FUT8: variants seen among roughly 807,000 people sequenced by gnomAD.
FUT8 encodes the protein fucosyltransferase 8.
FUT8 carries 29 observed loss-of-function variants against 71.3 expected under a neutral mutation model. The observed-to-expected ratio is 0.41, with a 90% CI of 0.30 to 0.55. The LOEUF (loss-of-function observed/expected upper bound fraction) is 0.55, where lower values mean the gene tolerates loss of function less well. Ranked by LOEUF, FUT8 falls within the 20% of genes least tolerant of loss-of-function variation. The pLI, the probability that FUT8 is intolerant of heterozygous loss-of-function variation, is 0.34. For missense variants in FUT8, 544 were observed against 702.1 expected (o/e 0.77, Z 2.55); for synonymous variants, 254 against 239.3 (o/e 1.06, Z -0.57).
intron 2 of FUT8, among the ~76,000 whole-genome samples, chr14:65,521,374 T>C (rs560143428): frequency 6.6e-6 from 1 of 152,312 alleles, no homozygotes. Flanking sequence ...ATGGCTTCTT[T>C]TATACACTCA....
At chr14:65,566,056 T>C (rs1393838007) in intron 3 of FUT8, among the ~76,000 whole-genome samples, 2 of 151,954 alleles carry the variant, frequency 1.3e-5, no homozygotes, top group African/African-American at 4.8e-5. Flanking sequence ...TTTTTTCTAA[T>C]TATAAATAGG....
intron 2 of FUT8, among the ~76,000 whole-genome samples, chr14:65,552,999 A>G (rs1885375642): frequency 6.6e-6 from 1 of 151,976 alleles, no homozygotes; most frequent in Non-Finnish European, 1.5e-5. Flanking sequence ...TCTGTCACCC[A>G]TCCTGGAGTA....
At chr14:65,692,847 G>A (rs1893751072) in intron 7 of FUT8, among the ~76,000 whole-genome samples, 1 of 151,852 alleles carries the variant, frequency 6.6e-6, no homozygotes, top group Admixed American at 6.5e-5. Flanking sequence ...GCCGGGCAGA[G>A]GCGCTCCTCA....
At chr14:65,700,103 A>G (rs902362499) in intron 7 of FUT8, among the ~76,000 whole-genome samples, 5 of 152,156 alleles carry the variant, frequency 3.3e-5, no homozygotes, top group Admixed American at 2.0e-4. Flanking sequence ...ATTATGTTGT[A>G]TATGTTGTTT....
chr14:65,537,772 G>A lies in FUT8; in HGVS notation c.-227-23565G>A, dbSNP rs1008883583. On this transcript the variant is annotated intron_variant, in intron 2 of 10. Transcript: ENST00000673929. ...CTTTGAAGTTGCTGTCATAAGAATG[G>A]GTGTTTTTTCTTTTATTCTGTTTGA... Among the ~76,000 whole-genome samples, 3 of 152,154 alleles carry A rather than the reference G, an allele frequency of 2.0e-5. No homozygotes were observed. In the South Asian group the frequency reaches 6.2e-4, roughly 32 times the overall value.
chr14:65,395,078 G>C, the FUT8 span, among the ~76,000 whole-genome samples: 2 of 152,162 alleles, frequency 1.3e-5, no homozygotes, highest in African/African-American at 4.8e-5. Flanking sequence ...GATCTCCTTT[G>C]ACTCCATATC....
At chr14:65,572,489 A>G (rs936524450) in intron 3 of FUT8, among the ~76,000 whole-genome samples, 1 of 152,202 alleles carries the variant, frequency 6.6e-6, no homozygotes, top group Non-Finnish European at 1.5e-5. Flanking sequence ...CTTGCTTCAT[A>G]TTCCACATTC....
At chr14:65,505,993 C>T (rs2066727628) in intron 2 of FUT8, among the ~76,000 whole-genome samples, 1 of 152,134 alleles carries the variant, frequency 6.6e-6, no homozygotes, top group Non-Finnish European at 1.5e-5. Flanking sequence ...AATAGTCCAC[C>T]ATGTGTTCAC....
intron 2 of FUT8, among the ~76,000 whole-genome samples, chr14:65,544,587 T>A (rs1271076516): frequency 6.6e-6 from 1 of 152,138 alleles, no homozygotes; most frequent in Non-Finnish European, 1.5e-5. Context: ...CTAGACCCAT[T>A]TGAGTAGTTA....
At chr14:65,564,347 T>G (rs10129187) in intron 3 of FUT8, among the ~76,000 whole-genome samples, 6,210 of 152,194 alleles carry the variant, frequency 0.041, 238 homozygotes, top group South Asian at 0.17. Context: ...CTACAATTTT[T>G]TAGATTTTCT....
Position 65,543,048 on chromosome 14 carries a change from C to T in FUT8, c.-227-18289C>T, listed in dbSNP as rs146450300. On this transcript the variant is annotated intron_variant, in intron 2 of 10. Coordinates refer to ENST00000673929, the MANE Select transcript of FUT8 (RefSeq NM_001371533.1). The stretch of plus-strand genomic sequence containing the variant: ...CTGCCCGCCTCGACCTCCCAAAGTG[C>T]TGGGATTACAGGCGTGAGCCACCGC... 5.7e-3 allele frequency among the ~76,000 whole-genome samples: 873 copies of T among 152,308 alleles called. 31 individuals are homozygous for T. In the East Asian group the frequency reaches 0.093, roughly 16 times the overall value.
At chr14:65,406,344 G>A (rs144671605), upstream of FUT8, among the ~76,000 whole-genome samples, 8 of 152,274 alleles carry the variant, frequency 5.3e-5, no homozygotes, top group African/African-American at 1.9e-4. Flanking sequence ...CTTGCCCAAG[G>A]TCAGATTGTA....
intron 2 of FUT8, among the ~76,000 whole-genome samples, chr14:65,469,635 C>T (rs1041471422): frequency 6.6e-6 from 1 of 152,192 alleles, no homozygotes; most frequent in African/African-American, 2.4e-5. Flanking sequence ...AGAGGGCAGC[C>T]CCTCTCTATA....
chr14:65,651,976 AT>A (rs1891432489), intron 6 of FUT8, among the ~76,000 whole-genome samples: 2 of 152,208 alleles, frequency 1.3e-5, no homozygotes, highest in South Asian at 4.1e-4. Context: ...TGAAGAACAT[AT>A]TTGAAGAACA....
intron 1 of FUT8, among the ~76,000 whole-genome samples, chr14:65,415,477 G>A (rs2065206072): frequency 1.3e-5 from 2 of 152,136 alleles, no homozygotes; most frequent in Non-Finnish European, 2.9e-5. Flanking sequence ...GTATGTTATA[G>A]TATTTTCTTA....
At chr14:65,637,204 A>G (rs1233998303) in intron 6 of FUT8, among the ~76,000 whole-genome samples, 3 of 152,204 alleles carry the variant, frequency 2.0e-5, no homozygotes, top group African/African-American at 7.2e-5. Flanking sequence ...TATATTCATT[A>G]TGAGTCCACA....
At chr14:65,411,986 C>A, upstream of FUT8, 1 of 456,028 alleles carries the variant, frequency 2.2e-6, no homozygotes, top group Non-Finnish European at 4.4e-6. Flanking sequence ...TTTTCCGAGT[C>A]CGAGCGGGTA....
chr14:65,667,197 T>C (rs1206182832), intron 6 of FUT8, among the ~76,000 whole-genome samples: 1 of 151,836 alleles, frequency 6.6e-6, no homozygotes, highest in Non-Finnish European at 1.5e-5. Flanking sequence ...AGAAAAAAAT[T>C]AAAGGCATCC....
chr14:65,684,932 A>C (rs1893207643), intron 7 of FUT8, among the ~76,000 whole-genome samples: 1 of 152,212 alleles, frequency 6.6e-6, no homozygotes. Flanking sequence ...CATTTTGGTA[A>C]AACAGTATGT....
Sources: gnomAD v4.1 joint callset for allele counts (sites outside exome capture counted in the v4.1 genomes callset) on GRCh38, gnomAD v4.1.1 for gene constraint, MANE v1.5 for transcripts, NCBI Gene and HGNC (gene_info 2026-07-23, HGNC 2026-07-21) for gene names.